Variants in MCC observed in about 807,000 individuals in gnomAD.
MCC encodes MCC regulator of Wnt signaling pathway, also known as colorectal mutant cancer protein.
In MCC, 90 loss-of-function variants were observed where a neutral mutation model predicts 116.2. That is an observed-to-expected ratio of 0.77 (90% CI 0.65 to 0.92). MCC has a LOEUF of 0.92. Ranked by LOEUF, MCC falls within the 40% of genes least tolerant of loss-of-function variation. The pLI, the probability that MCC is intolerant of heterozygous loss-of-function variation, is 0.00. For missense variants in MCC, 1,516 were observed against 1,312.2 expected, an observed-to-expected ratio of 1.16 and a Z score of -2.40; for synonymous variants, 578 against 510.5, an observed-to-expected ratio of 1.13 and a Z score of -1.78.
At chr5:113,365,092 A>C (rs1768653977) in intron 2 of MCC, among the ~76,000 whole-genome samples, 1 of 152,220 alleles carries the variant, frequency 6.6e-6, no homozygotes, top group Non-Finnish European at 1.5e-5. Context: ...TTCCCCTGAA[A>C]ACAGGCTTTT....
intron 16 of MCC, chr5:113,048,803 G>A: frequency 2.0e-6 from 1 of 501,536 alleles, no homozygotes; most frequent in Non-Finnish European, 3.5e-6. Flanking sequence ...ATTAGACGAA[G>A]GAGGTGAGAA....
At chr5:113,212,792 T>G (rs187652852) in intron 3 of MCC, among the ~76,000 whole-genome samples, 2 of 152,286 alleles carry the variant, frequency 1.3e-5, no homozygotes, top group Non-Finnish European at 2.9e-5. Context: ...ATTCCTGTAC[T>G]TTCTAAATTG....
At chr5:113,416,919 C>G (rs868079307) in intron 1 of MCC, among the ~76,000 whole-genome samples, 1 of 150,530 alleles carries the variant, frequency 6.6e-6, no homozygotes, top group Non-Finnish European at 1.5e-5. Context: ...ATTTTATTTA[C>G]GTATTGGATT....
At chr5:113,385,964 G>T (rs1769244978) in intron 1 of MCC, among the ~76,000 whole-genome samples, 2 of 152,046 alleles carry the variant, frequency 1.3e-5, no homozygotes, top group Admixed American at 1.3e-4. Flanking sequence ...TTTAAAAAAA[G>T]AAAAATAAAA....
chr5:113,352,322 C>G (rs529708484), intron 2 of MCC, among the ~76,000 whole-genome samples: 4 of 152,160 alleles, frequency 2.6e-5, no homozygotes, highest in Non-Finnish European at 5.9e-5. Flanking sequence ...GGCTCATATG[C>G]AGCCTCTTGA....
At chr5:113,470,899 A>G (rs1445859901) in intron 1 of MCC, among the ~76,000 whole-genome samples, 7 of 151,958 alleles carry the variant, frequency 4.6e-5, no homozygotes, top group Non-Finnish European at 8.8e-5. Flanking sequence ...TTTTTTCTCT[A>G]AACTTCTCTT....
At chr5:113,446,017 A>G (rs969160795) in intron 1 of MCC, among the ~76,000 whole-genome samples, 1 of 152,174 alleles carries the variant, frequency 6.6e-6, no homozygotes, top group African/African-American at 2.4e-5. Context: ...TATTCAATAA[A>G]TGGTGCTGGG....
chr5:113,405,592 T>C (rs1314285709), intron 1 of MCC, among the ~76,000 whole-genome samples: 1 of 152,030 alleles, frequency 6.6e-6, no homozygotes, highest in Non-Finnish European at 1.5e-5. Flanking sequence ...AGTTCAAGAC[T>C]AGCCTGGGCA....
At chr5:113,452,027 TC>T (rs1197503119) in intron 1 of MCC, among the ~76,000 whole-genome samples, 3 of 152,134 alleles carry the variant, frequency 2.0e-5, no homozygotes, top group African/African-American at 7.2e-5. Flanking sequence ...GCACTTCCGT[TC>T]TCCTCCACAT....
chr5:113,205,687 A>G (rs1387848085), intron 3 of MCC, among the ~76,000 whole-genome samples: 2 of 152,246 alleles, frequency 1.3e-5, no homozygotes, highest in African/African-American at 4.8e-5. Flanking sequence ...GAGTATTTTT[A>G]TATTACACTA....
At chr5:113,159,755 G>A (rs1191116841) in intron 3 of MCC, among the ~76,000 whole-genome samples, 1 of 152,200 alleles carries the variant, frequency 6.6e-6, no homozygotes, top group Non-Finnish European at 1.5e-5. Context: ...CATCAGGCCT[G>A]TTCAGTGACT....
rs116359456 is a variant in MCC at position 113,220,925 on chromosome 5, G to A, written c.628-69503C>T. Among the ~76,000 whole-genome samples the A allele has an allele frequency of 3.9e-3, 592 of 152,296 alleles. 5 individuals are homozygous for A. Among genetic ancestry groups the A allele is most frequent in the African/African-American group, 0.014 (577 of 41,546 alleles). ...CTAAAAGAAAAGAAGCAGTGAGGCC[G>A]GGCATGGTGGCTCATGCCTATAATC... On this transcript the variant is annotated intron_variant, in intron 3 of 18. Transcript: ENST00000408903.
intron 13 of MCC, among the ~76,000 whole-genome samples, chr5:113,066,932 G>A (rs6874230): frequency 0.09 from 13,631 of 152,148 alleles, 727 homozygotes; most frequent in East Asian, 0.19. Context: ...TTGCCTCTCC[G>A]AAGGCTAAGG....
Position 113,046,685 on chromosome 5 carries a change from C to CAAAAAAAAAAAAAAAAAAAAAA in MCC, c.2655+2386_2655+2407dup, listed in dbSNP as rs151183145. 7.2e-4 allele frequency among the ~76,000 whole-genome samples: 42 copies of CAAAAAAAAAAAAAAAAAAAAAA among 58,390 alleles called. 3 individuals carry two copies. Among genetic ancestry groups the CAAAAAAAAAAAAAAAAAAAAAA allele is most frequent in the East Asian group, 2.0e-3 (4 of 2,034 alleles). The allele number at this position is 58,390 out of a possible 152,430, so 38.3% of individuals were successfully genotyped here. ...ACTGACTGCTAACAAACTCAAAAGGCAAAAAAAAAAAAAAAAAAAAAAAAA... is the reference window on the plus strand; with the variant it reads ...ACTGACTGCTAACAAACTCAAAAGGCAAAAAAAAAAAAAAAAAAAAAAAAAAAAAAAAAAAAAAAAAAAAAAA... On this transcript the variant is annotated intron_variant, in intron 16 of 18. Transcript: ENST00000408903.
chr5:113,312,137 T>C (rs1463106283), intron 3 of MCC, among the ~76,000 whole-genome samples: 1 of 151,642 alleles, frequency 6.6e-6, no homozygotes, highest in Non-Finnish European at 1.5e-5. Context: ...ATTAGCTGGG[T>C]GTGGTAGCAT....
chr5:113,068,685 C>G (rs1042162385), intron 12 of MCC, among the ~76,000 whole-genome samples: 2 of 152,242 alleles, frequency 1.3e-5, no homozygotes, highest in African/African-American at 4.8e-5. Flanking sequence ...CTCCCCGGAG[C>G]AGGCCAGCTG....
chr5:113,292,953 T>C (rs995431220), intron 3 of MCC, among the ~76,000 whole-genome samples: 1 of 152,204 alleles, frequency 6.6e-6, no homozygotes, highest in African/African-American at 2.4e-5. Flanking sequence ...ACTTAAATCC[T>C]CATGCCTCCT....
chr5:113,155,528 A>AT (rs992228037), intron 3 of MCC, among the ~76,000 whole-genome samples: 2 of 152,156 alleles, frequency 1.3e-5, no homozygotes, highest in Non-Finnish European at 2.9e-5. Flanking sequence ...CCTCCGGGTG[A>AT]TTTTTTAAAG....
chr5:113,220,200 G>A (rs1276579012), intron 3 of MCC, among the ~76,000 whole-genome samples: 1 of 137,980 alleles, frequency 7.2e-6, no homozygotes. Context: ...TGGGATTACA[G>A]GCGCCCGCCA....
Sources: allele counts gnomAD v4.1 joint callset (sites outside exome capture counted in the v4.1 genomes callset), GRCh38; gene constraint gnomAD v4.1.1; transcripts MANE v1.5; gene names NCBI Gene and HGNC (gene_info 2026-07-23, HGNC 2026-07-21).